HTR1F: variants seen among roughly 807,000 people sequenced by gnomAD.
HTR1F encodes the protein 5-hydroxytryptamine (serotonin) receptor 1F, G protein-coupled.
In HTR1F, 17 loss-of-function variants were observed where a neutral mutation model predicts 24.0. The observed-to-expected ratio is 0.71, with a 90% confidence interval of 0.48 to 1.06. HTR1F has a LOEUF of 1.06. HTR1F is among the 50% of genes least tolerant of loss of function. The pLI, the probability that HTR1F is intolerant of heterozygous loss-of-function variation, is 0.00. For missense variants in HTR1F, 391 were observed against 427.8 expected (o/e 0.91, Z 0.76); for synonymous variants, 186 against 156.8 (o/e 1.19, Z -1.39).
Position 87,991,566 on chromosome 3 carries a change from A to C in HTR1F, c.817A>C (p.Lys273Gln). 2 of 1,614,136 alleles carry C rather than the reference A, an allele frequency of 1.2e-6. No individual in the cohort carries two copies. The highest frequency in any genetic ancestry group is 2.2e-5 in the South Asian group (2 of 91,086). The change falls in exon 3 of 3, where the codon AAG becomes CAG. Residue 273 changes from lysine (K) to glutamine (Q), a missense_variant. Coordinates refer to ENST00000319595, the MANE Select transcript of HTR1F (RefSeq NM_001322209.2). ...STVRSLRSEF[K>Q]HEKSWRRQKI... ...AGTGAGAAGTCTCAGGTCTGAATTC[A>C]AGCATGAGAAATCTTGGAGAAGGCA...
chr3:87,806,922 A>G (rs1435073409), intron 1 of HTR1F, among the ~76,000 whole-genome samples: 1 of 151,956 alleles, frequency 6.6e-6, no homozygotes, highest in Non-Finnish European at 1.5e-5. Flanking sequence ...AACCCTCATC[A>G]AAAATCAGTT....
chr3:87,913,094 T>A (rs1331656436), intron 2 of HTR1F, among the ~76,000 whole-genome samples: 1 of 152,096 alleles, frequency 6.6e-6, no homozygotes, highest in East Asian at 1.9e-4. Flanking sequence ...AAATCGGACC[T>A]AATTAAATTT....
At chr3:87,988,837 C>T (rs1705739231) in intron 2 of HTR1F, among the ~76,000 whole-genome samples, 1 of 151,972 alleles carries the variant, frequency 6.6e-6, no homozygotes, top group South Asian at 2.1e-4. Context: ...CCTCAGCCTC[C>T]CAAAGTGCTG....
At chr3:87,810,698 C>A (rs1319903104) in intron 1 of HTR1F, among the ~76,000 whole-genome samples, 1 of 152,132 alleles carries the variant, frequency 6.6e-6, no homozygotes, top group Non-Finnish European at 1.5e-5. Flanking sequence ...TAGTCATTTT[C>A]TAAAAATGGC....
At chr3:87,854,555 T>A (rs1275590043) in intron 2 of HTR1F, among the ~76,000 whole-genome samples, 1 of 152,052 alleles carries the variant, frequency 6.6e-6, no homozygotes, top group African/African-American at 2.4e-5. Flanking sequence ...AAAGATTAAG[T>A]GCTTAATTTC....
At chr3:87,927,792 C>T (rs934288680) in intron 2 of HTR1F, among the ~76,000 whole-genome samples, 7 of 152,014 alleles carry the variant, frequency 4.6e-5, no homozygotes, top group African/African-American at 1.7e-4. Context: ...TGGAGATACA[C>T]AAGTAAATAA....
intron 2 of HTR1F, among the ~76,000 whole-genome samples, chr3:87,921,990 G>C (rs1034876181): frequency 6.6e-6 from 1 of 151,900 alleles, no homozygotes; most frequent in African/African-American, 2.4e-5. Flanking sequence ...AATTAACATG[G>C]GAGTGCAGAT....
At chr3:87,875,930 A>G (rs1454302629) in intron 2 of HTR1F, among the ~76,000 whole-genome samples, 1 of 151,950 alleles carries the variant, frequency 6.6e-6, no homozygotes, top group Non-Finnish European at 1.5e-5. Flanking sequence ...TCTCAAAAAA[A>G]AAAAAAAAAA....
chr3:87,836,150 G>C (rs1472101821), intron 2 of HTR1F, among the ~76,000 whole-genome samples: 1 of 152,178 alleles, frequency 6.6e-6, no homozygotes, highest in East Asian at 1.9e-4. Flanking sequence ...CTAGTGTTCA[G>C]CTTCCTTCAG....
intron 2 of HTR1F, among the ~76,000 whole-genome samples, chr3:87,978,373 G>T (rs750725153): frequency 2.1e-4 from 32 of 152,166 alleles, no homozygotes; most frequent in Non-Finnish European, 3.7e-4. Flanking sequence ...TCATTTGACA[G>T]GTCCTGAGTT....
chr3:87,905,607 T>G (rs536480931), intron 2 of HTR1F, among the ~76,000 whole-genome samples: 1 of 152,232 alleles, frequency 6.6e-6, no homozygotes, highest in African/African-American at 2.4e-5. Flanking sequence ...TGAGACATAC[T>G]TTTTGAAATG....
intron 2 of HTR1F, among the ~76,000 whole-genome samples, chr3:87,901,514 C>T (rs549863207): frequency 1.3e-5 from 2 of 152,090 alleles, no homozygotes; most frequent in African/African-American, 4.8e-5. Flanking sequence ...ACAAGCCACC[C>T]AATAAGTAGT....
intron 2 of HTR1F, among the ~76,000 whole-genome samples, chr3:87,969,288 T>C (rs1705236633): frequency 6.6e-6 from 1 of 152,170 alleles, no homozygotes; most frequent in Admixed American, 6.5e-5. Flanking sequence ...CTTGCGCCTG[T>C]GTGCCAGGAA....
intron 2 of HTR1F, among the ~76,000 whole-genome samples, chr3:87,860,704 T>G (rs1237726175): frequency 6.6e-6 from 1 of 152,158 alleles, no homozygotes; most frequent in Non-Finnish European, 1.5e-5. Flanking sequence ...ATCTCAGTCA[T>G]AGTTCAGCAT....
chr3:87,990,672 C>A, intron 2 of HTR1F, 36 bp from the exon 3 acceptor site: 1 of 1,070,104 alleles, frequency 9.3e-7, no homozygotes, highest in Non-Finnish European at 1.4e-6. Flanking sequence ...TTCTTGAAGC[C>A]TTCTCTGAAC....
intron 2 of HTR1F, among the ~76,000 whole-genome samples, chr3:87,852,968 G>GTT (rs35802056): frequency 0.012 from 1,665 of 139,838 alleles, 15 homozygotes; most frequent in Non-Finnish European, 0.015. Context: ...TGTAGTGGCT[G>GTT]TTTTTTTTTT....
At chr3:87,812,078 A>G (rs1232015905) in intron 1 of HTR1F, among the ~76,000 whole-genome samples, 1 of 152,180 alleles carries the variant, frequency 6.6e-6, no homozygotes, top group Non-Finnish European at 1.5e-5. Context: ...AATTAAACCT[A>G]TAAATTACCC....
intron 2 of HTR1F, among the ~76,000 whole-genome samples, chr3:87,940,365 CAG>C (rs1704539144): frequency 6.6e-6 from 1 of 152,090 alleles, no homozygotes; most frequent in Admixed American, 6.6e-5. Flanking sequence ...AATAGACAAA[CAG>C]GGAGCCAAAT....
intron 2 of HTR1F, among the ~76,000 whole-genome samples, chr3:87,870,485 C>T (rs1705530617): frequency 6.6e-6 from 1 of 152,054 alleles, no homozygotes; most frequent in Non-Finnish European, 1.5e-5. Flanking sequence ...AGAAAAGCTA[C>T]TGTATTTCAT....
Sources: gnomAD v4.1 joint callset for allele counts (sites outside exome capture counted in the v4.1 genomes callset) on GRCh38, gnomAD v4.1.1 for gene constraint, MANE v1.5 for transcripts, NCBI Gene and HGNC (gene_info 2026-07-23, HGNC 2026-07-21) for gene names.